The following RNF13 variants were observed in gnomAD, a reference collection of about 807,000 sequenced individuals.
RNF13 encodes ring finger protein 13, also known as E3 ubiquitin-protein ligase RNF13.
In RNF13, 19 loss-of-function variants were observed where a neutral mutation model predicts 37.7. That is an observed-to-expected ratio of 0.50 (90% CI 0.35 to 0.74). The LOEUF (loss-of-function observed/expected upper bound fraction) is 0.74. Among genes scored for constraint, RNF13 ranks in the 30% least tolerant of loss-of-function variants. RNF13 has a pLI of 0.01. For synonymous variants in RNF13, 144 were observed against 157.8 expected (o/e 0.91, Z 0.65); for missense variants, 375 against 453.0 (o/e 0.83, Z 1.56).
At chr3:149,887,728 G>A (rs895194983) in intron 4 of RNF13, among the ~76,000 whole-genome samples, 1 of 152,032 alleles carries the variant, frequency 6.6e-6, no homozygotes, top group African/African-American at 2.4e-5. Context: ...CTCTCCCTTT[G>A]CCCTACTCCC....
chr3:149,886,959 G>C (rs1714102908), intron 4 of RNF13, among the ~76,000 whole-genome samples: 1 of 152,054 alleles, frequency 6.6e-6, no homozygotes, highest in African/African-American at 2.4e-5. Flanking sequence ...AAATATTTGT[G>C]AATTTCCCAA....
At chr3:149,887,203 G>A (rs1385044941) in intron 4 of RNF13, among the ~76,000 whole-genome samples, 1 of 152,164 alleles carries the variant, frequency 6.6e-6, no homozygotes, top group Non-Finnish European at 1.5e-5. Flanking sequence ...ACTTTACATG[G>A]AACTCAGTGC....
At chr3:149,855,657 T>C (rs897473009) in intron 3 of RNF13, among the ~76,000 whole-genome samples, 3 of 151,774 alleles carry the variant, frequency 2.0e-5, no homozygotes, top group Non-Finnish European at 4.4e-5. Context: ...CCCAAAGTTG[T>C]TATTTCTCTA....
At chr3:149,820,984 T>G (rs1719947000) in intron 1 of RNF13, among the ~76,000 whole-genome samples, 1 of 152,248 alleles carries the variant, frequency 6.6e-6, no homozygotes, top group South Asian at 2.1e-4. Flanking sequence ...ACTTCTTTCC[T>G]TTTCATAGCA....
At chr3:149,941,889 A>ATATTTATATATTTATT (rs1720317534) in intron 8 of RNF13, among the ~76,000 whole-genome samples, 1 of 144,292 alleles carries the variant, frequency 6.9e-6, no homozygotes, top group African/African-American at 2.6e-5. Flanking sequence ...GTCCAGCTTA[A>ATATTTATATATTTATT]TATTTATTTA....
At chr3:149,941,884 G>A (rs1720315408) in intron 8 of RNF13, among the ~76,000 whole-genome samples, 1 of 41,170 alleles carries the variant, frequency 2.4e-5, no homozygotes, top group Admixed American at 2.3e-4. Context: ...TTAAGGTCCA[G>A]CTTAATATTT....
intron 1 of RNF13, among the ~76,000 whole-genome samples, chr3:149,814,914 A>C (rs1719268377): frequency 6.6e-6 from 1 of 151,844 alleles, no homozygotes; most frequent in African/African-American, 2.4e-5. Flanking sequence ...CTATGTAGGG[A>C]ATGAGAACTG....
intron 8 of RNF13, among the ~76,000 whole-genome samples, chr3:149,955,606 GAAAA>G (rs1416895913): frequency 6.6e-6 from 1 of 151,848 alleles, no homozygotes; most frequent in African/African-American, 2.4e-5. Flanking sequence ...TCAGTACTAA[GAAAA>G]AAAAGCTGCT....
chr3:149,889,520 G>A (rs2108480378), intron 4 of RNF13, among the ~76,000 whole-genome samples: 2 of 148,666 alleles, frequency 1.3e-5, no homozygotes, highest in East Asian at 4.0e-4. Context: ...GGCCAGGATG[G>A]TCTTTATCTC....
intron 8 of RNF13, among the ~76,000 whole-genome samples, chr3:149,946,048 C>T (rs1004022389): frequency 3.3e-5 from 5 of 152,186 alleles, no homozygotes; most frequent in South Asian, 4.1e-4. Context: ...TCACCAGCAA[C>T]GGAACAAAGC....
chr3:149,840,215 A>G (rs1162828951), intron 1 of RNF13, among the ~76,000 whole-genome samples: 1 of 152,256 alleles, frequency 6.6e-6, no homozygotes, highest in Non-Finnish European at 1.5e-5. Context: ...GTTAATAACT[A>G]GTAGAATTAT....
At chr3:149,919,512 TTGTGTCTGTCTTCTTTC>T (rs761425744) in intron 7 of RNF13, among the ~76,000 whole-genome samples, 4 of 152,218 alleles carry the variant, frequency 2.6e-5, no homozygotes, top group Non-Finnish European at 5.9e-5. Flanking sequence ...CTGTACTCTT[TTGTGTCTGTCTTCTTTC>T]TGTCACCGTA....
At chr3:149,880,217 A>G (rs577551373) in intron 4 of RNF13, among the ~76,000 whole-genome samples, 253 of 152,322 alleles carry the variant, frequency 1.7e-3, no homozygotes, top group Middle Eastern at 6.8e-3. Context: ...TGTTGCACAG[A>G]AAGTTATTCT....
intron 5 of RNF13, 114 bp from the exon 6 acceptor site, chr3:149,901,958 A>T (rs1715889014): frequency 2.1e-6 from 1 of 472,064 alleles, no homozygotes; most frequent in Admixed American, 4.0e-5. Context: ...CAAGCAATAG[A>T]CAATTAAAGT....
intron 3 of RNF13, among the ~76,000 whole-genome samples, chr3:149,860,299 AT>A (rs1221553846): frequency 2.8e-5 from 4 of 142,932 alleles, no homozygotes; most frequent in South Asian, 2.2e-4. Flanking sequence ...ATATATATAT[AT>A]AACGTGTATA....
At chr3:149,895,907 C>T (rs1715207260) in intron 5 of RNF13, among the ~76,000 whole-genome samples, 1 of 152,168 alleles carries the variant, frequency 6.6e-6, no homozygotes, top group African/African-American at 2.4e-5. Context: ...AGGGTATGCA[C>T]ATACACTAAG....
Position 149,912,112 on chromosome 3 carries a change from A to T in RNF13, c.606+29A>T, listed in dbSNP as rs553557089. On this transcript the variant is annotated intron_variant, in intron 7 of 9. Coordinates refer to ENST00000392894, the MANE Select transcript of RNF13 (RefSeq NM_183381.3). ...GGTACATTAACTTTTAATAATTTTT[A>T]AAAAATAGTATGGATGAATCTAAAA... is the stretch of plus-strand genomic sequence containing the variant. 315 of 1,093,628 alleles carry T rather than the reference A, an allele frequency of 2.9e-4. 4 individuals carry two copies. The Admixed American group carries it at 5.4e-3, about 19-fold the overall frequency. 67.7% of individuals were successfully genotyped at this position (1,093,628 alleles called of 1,614,324 possible). A position where few individuals can be genotyped will look rare whatever the true frequency, so the allele number is the denominator to read the frequency against.
intron 3 of RNF13, among the ~76,000 whole-genome samples, chr3:149,866,550 C>G (rs1394355964): frequency 6.6e-6 from 1 of 152,220 alleles, no homozygotes; most frequent in Non-Finnish European, 1.5e-5. Flanking sequence ...GACCTCTTAT[C>G]TCATTCTGTG....
At position 149,818,079 on chromosome 3, in the gene RNF13, ATGT is replaced by A. The variant is rs1342255204; in HGVS notation, c.-17+4732_-17+4734del. On this transcript the variant is annotated intron_variant, in intron 1 of 9. Transcript: ENST00000392894. ...AAGTTCTCAGTAAACCAACAGAAAA[ATGT>A]TGTTGAGCATGAGAAGAAGGTTTAC... 7.2e-5 allele frequency among the ~76,000 whole-genome samples: 11 copies of A among 152,320 alleles called. No homozygotes were observed. The South Asian group carries it at 2.3e-3, about 32-fold the overall frequency.
Sources: allele counts gnomAD v4.1 joint callset (sites outside exome capture counted in the v4.1 genomes callset), GRCh38; gene constraint gnomAD v4.1.1; transcripts MANE v1.5; gene names NCBI Gene and HGNC (gene_info 2026-07-23, HGNC 2026-07-21).